XIRP2: variants seen among roughly 807,000 people sequenced by gnomAD.
XIRP2 encodes xin actin binding repeat containing 2, also known as xin actin-binding repeat-containing protein 2.
XIRP2 carries 236 observed loss-of-function variants against 277.0 expected under a neutral mutation model. That is an observed-to-expected ratio of 0.85 (90% CI 0.77 to 0.95). The LOEUF is 0.95. XIRP2 is among the 40% of genes least tolerant of loss of function. XIRP2 has a pLI of 0.00. For missense variants in XIRP2, 4,640 were observed against 4,157.5 expected (o/e 1.12, Z -3.19); for synonymous variants, 1,490 against 1,416.5 (o/e 1.05, Z -1.17).
chr2:167,196,454 A>C (rs73970886), intron 3 of XIRP2, among the ~76,000 whole-genome samples: 22,905 of 110,974 alleles, frequency 0.21, 2,505 homozygotes, highest in African/African-American at 0.39. Context: ...GTGTGTGTAG[A>C]CTGGCCACGA....
chr2:167,045,546 G>A (rs983386951), intron 2 of XIRP2, among the ~76,000 whole-genome samples: 1 of 150,852 alleles, frequency 6.6e-6, no homozygotes, highest in Admixed American at 6.6e-5. Flanking sequence ...GGAACTTAAA[G>A]CACAAACAAA....
rs1695331180 is a variant in XIRP2 at position 167,247,912 on chromosome 2, G to A, written c.6520G>A (p.Gly2174Arg). Residue 2174 changes from glycine (G) to arginine (R), a missense_variant, in exon 9 of 11, where the codon GGA becomes AGA. Transcript: ENST00000409195. ...GCATCCAGTCAGCATGCCAGTTGGA[G>A]GAACTTACGACCTTTCAGGGGACTT... ...TQHPVSMPVG[G>R]TYDLSGDFQK... 2 of 1,613,306 alleles carry A rather than the reference G, an allele frequency of 1.2e-6. No homozygotes were observed. The highest frequency in any genetic ancestry group is 1.7e-6 in the Non-Finnish European group (2 of 1,179,724).
At chr2:166,996,965 C>T (rs76298013) in intron 2 of XIRP2, among the ~76,000 whole-genome samples, 5,398 of 152,140 alleles carry the variant, frequency 0.035, 123 homozygotes, top group East Asian at 0.079. Context: ...ACATTTACAC[C>T]TTAATAAAGA....
intron 1 of XIRP2, among the ~76,000 whole-genome samples, chr2:166,892,929 T>G (rs541021045): frequency 6.7e-6 from 1 of 149,236 alleles, no homozygotes; most frequent in East Asian, 2.0e-4. Flanking sequence ...TATGTATATA[T>G]GTGTATATGT....
In XIRP2 at chr2:167,247,045, T is replaced by A. The variant is rs766950954; in HGVS notation, c.5653T>A (p.Ser1885Thr). 1 of 1,613,232 alleles carries A rather than the reference T, an allele frequency of 6.2e-7. No homozygotes were observed. The highest frequency in any genetic ancestry group is 8.5e-7 in the Non-Finnish European group (1 of 1,179,672). The change falls in exon 9 of 11, where the codon TCT becomes ACT. Residue 1885 changes from serine to threonine, a missense_variant. Physicochemically the swap from Ser to Thr is moderately conservative, Grantham distance 58 (BLOSUM62 1). Transcript: ENST00000409195. Reference protein sequence around the residue: ...LKESSHRWKESKQPDAIPGDI... With the variant: ...LKESSHRWKETKQPDAIPGDI... The stretch of plus-strand genomic sequence containing the variant: ...AGAATCAAGCCATCGATGGAAAGAA[T>A]CTAAACAGCCTGATGCCATCCCTGG...
intron 2 of XIRP2, among the ~76,000 whole-genome samples, chr2:167,027,786 A>G (rs904130950): frequency 1.3e-4 from 19 of 151,924 alleles, no homozygotes; most frequent in African/African-American, 4.1e-4. Context: ...GACCCTATAA[A>G]CAGGTAAATC....
Position 167,242,607 on chromosome 2 carries a change from A to G in XIRP2, c.1215A>G (p.Ser405=), listed in dbSNP as rs773029721. 1.2e-6 allele frequency: 2 copies of G among 1,613,804 alleles called. No homozygotes were observed. The highest frequency in any genetic ancestry group is 4.5e-5 in the East Asian group (2 of 44,856). ...ATGAAGAGACTTTCAAGCCATCATC[A>G]GTTGTGAGTACCTCTTCCACTTCTT... ...SEYEETFKPS[S]VVSTSSTSCV... The change falls in exon 9 of 11, where the codon TCA becomes TCG. Residue 405 remains serine (S), a synonymous_variant. Coordinates refer to ENST00000409195, the MANE Select transcript of XIRP2 (RefSeq NM_152381.6).
At chr2:166,910,465 T>C (rs181709196) in intron 2 of XIRP2, among the ~76,000 whole-genome samples, 90 of 151,864 alleles carry the variant, frequency 5.9e-4, no homozygotes, top group Non-Finnish European at 2.4e-4. Flanking sequence ...GATATTCCCT[T>C]TATCATTTTT....
chr2:167,173,325 T>C (rs1692749896), intron 3 of XIRP2, among the ~76,000 whole-genome samples: 1 of 152,202 alleles, frequency 6.6e-6, no homozygotes, highest in South Asian at 2.1e-4. Context: ...ACCGTCTATG[T>C]CCATGACTTC....
At chr2:167,133,559 T>C (rs1219376654) in intron 2 of XIRP2, among the ~76,000 whole-genome samples, 1 of 152,206 alleles carries the variant, frequency 6.6e-6, no homozygotes, top group Non-Finnish European at 1.5e-5. Flanking sequence ...CACATTTCCA[T>C]GTAGGTATAT....
At chr2:166,977,956 C>G (rs1037325395) in intron 2 of XIRP2, among the ~76,000 whole-genome samples, 5 of 151,970 alleles carry the variant, frequency 3.3e-5, no homozygotes, top group Non-Finnish European at 1.5e-5. Flanking sequence ...AAGATATTTC[C>G]TCTTTTTAAT....
rs1695157663 is a variant in XIRP2 at position 167,243,834 on chromosome 2, C to T, written c.2442C>T (p.Thr814=). Residue 814 remains threonine (T), a synonymous_variant, in exon 9 of 11, where the codon ACC becomes ACT. Transcript: ENST00000409195. ...GVSKAKWLFE[T]QPLEKIKESE... is the part of the protein sequence containing the mutation. ...GTAAGGCAAAGTGGTTATTTGAAAC[C>T]CAACCTTTGGAGAAAATCAAAGAGT... The T allele has an allele frequency of 6.2e-7, 1 of 1,613,738 alleles. No homozygotes were observed. Among genetic ancestry groups the T allele is most frequent in the African/African-American group, 1.3e-5 (1 of 74,838 alleles).
At chr2:167,142,415 G>T (rs1214473042) in intron 3 of XIRP2, among the ~76,000 whole-genome samples, 1 of 152,010 alleles carries the variant, frequency 6.6e-6, no homozygotes, top group Admixed American at 6.6e-5. Context: ...GGGCATAGTG[G>T]CATGCACCTG....
At chr2:166,909,620 C>T (rs1684642004) in intron 2 of XIRP2, among the ~76,000 whole-genome samples, 1 of 152,160 alleles carries the variant, frequency 6.6e-6, no homozygotes, top group Admixed American at 6.5e-5. Flanking sequence ...CTTTCTCTTG[C>T]CTGATTGCCC....
intron 5 of XIRP2, among the ~76,000 whole-genome samples, chr2:167,231,849 C>A (rs1478789218): frequency 6.6e-6 from 1 of 152,002 alleles, no homozygotes; most frequent in African/African-American, 2.4e-5. Context: ...ATTTCAGAAG[C>A]AACATCCAGT....
intron 3 of XIRP2, among the ~76,000 whole-genome samples, chr2:167,141,158 T>C (rs1310458667): frequency 6.6e-6 from 1 of 152,198 alleles, no homozygotes; most frequent in Non-Finnish European, 1.5e-5. Flanking sequence ...AATCATTCAT[T>C]CACTTTACTA....
chr2:167,035,056 C>T (rs1440722540), intron 2 of XIRP2, among the ~76,000 whole-genome samples: 1 of 152,144 alleles, frequency 6.6e-6, no homozygotes, highest in Admixed American at 6.6e-5. Flanking sequence ...GTCTTTTGCC[C>T]TCCACCATGA....
At chr2:167,169,122 G>A (rs1319882540) in intron 3 of XIRP2, among the ~76,000 whole-genome samples, 1 of 152,180 alleles carries the variant, frequency 6.6e-6, no homozygotes, top group South Asian at 2.1e-4. Flanking sequence ...TGTTGGGGGA[G>A]AGGAAGGCTT....
chr2:166,979,544 C>A (rs894278636), intron 2 of XIRP2, among the ~76,000 whole-genome samples: 33 of 151,336 alleles, frequency 2.2e-4, no homozygotes, highest in African/African-American at 7.5e-4. Flanking sequence ...ATTTATCAGA[C>A]TAAAAAAGTT....
Sources: gnomAD v4.1 joint callset for allele counts (sites outside exome capture counted in the v4.1 genomes callset) on GRCh38, gnomAD v4.1.1 for gene constraint, MANE v1.5 for transcripts, NCBI Gene and HGNC (gene_info 2026-07-23, HGNC 2026-07-21) for gene names.